The following MUC4 variants were observed in gnomAD, a reference collection of about 807,000 sequenced individuals.
MUC4 encodes the protein mucin-4.
In MUC4, 202 loss-of-function variants were observed where a neutral mutation model predicts 257.9. The observed-to-expected ratio is 0.78, with a 90% CI of 0.70 to 0.88. The LOEUF (loss-of-function observed/expected upper bound fraction) is 0.88, where lower values mean the gene tolerates loss of function less well. MUC4 is among the 40% of genes least tolerant of loss of function. The pLI is 0.00. For synonymous variants in MUC4, 2,351 were observed against 2,757.1 expected, an observed-to-expected ratio of 0.85 and a Z score of 4.62; for missense variants, 5,976 against 6,513.7, an observed-to-expected ratio of 0.92 and a Z score of 2.84.
chr3:195,754,522 G>T, intron 18 of MUC4, 150 bp from the exon 19 acceptor site: 3 of 1,098,252 alleles, frequency 2.7e-6, no homozygotes, highest in South Asian at 1.7e-5. Flanking sequence ...TTCTTGACCA[G>T]GCCGTGGGGC....
intron 23 of MUC4, 174 bp downstream of exon 23, chr3:195,750,715 T>C (rs2291656): frequency 0.59 from 383,516 of 646,394 alleles, 116,571 homozygotes; most frequent in East Asian, 0.83. Context: ...GCCTCAGCAG[T>C]GCTGGCTGCT....
rs933496712 is a variant in MUC4 at position 195,766,829 on chromosome 3, C to T, written c.13530-78G>A. The T allele has an allele frequency of 6.7e-5, 89 of 1,324,500 alleles. 1 individual carries two copies. The highest frequency in any genetic ancestry group is 2.5e-4 in the South Asian group (21 of 82,694). The allele number at this position is 1,324,500 out of a possible 1,614,324, so 82.0% of individuals were successfully genotyped here. A position where few individuals can be genotyped will look rare whatever the true frequency, so the allele number is the denominator to read the frequency against. Reference sequence around the variant, plus strand: ...GCGGTTGCAAGGCGTCCATTCATCCCGCTAGCCGGTCAGCAGCTGGTCAAC... The same window carrying T: ...GCGGTTGCAAGGCGTCCATTCATCCTGCTAGCCGGTCAGCAGCTGGTCAAC... On this transcript the variant is annotated intron_variant, in intron 7 of 24. Coordinates refer to ENST00000463781, the MANE Select transcript of MUC4 (RefSeq NM_018406.7).
intron 1 of MUC4, among the ~76,000 whole-genome samples, chr3:195,798,778 CT>C: frequency 6.6e-6 from 1 of 152,216 alleles, no homozygotes; most frequent in Non-Finnish European, 1.5e-5. Context: ...TGTATCCTGC[CT>C]TTTTAGCCAT....
rs780865770 is a variant in MUC4 at position 195,750,938 on chromosome 3, G to C, written c.15822C>G (p.Asp5274Glu). The change falls in exon 23 of 25, where the codon GAC (aspartate) becomes GAG (glutamate). Residue 5274 changes from aspartate to glutamate, a missense_variant. Physicochemically the swap from Asp to Glu is conservative, Grantham distance 45 (BLOSUM62 2). Around this residue, in one of 44 missense-constraint regions of MUC4, gnomAD observed 310 missense variants for 242.1 expected, o/e 1.28. Coordinates refer to ENST00000463781, the MANE Select transcript of MUC4 (RefSeq NM_018406.7). ...VPRRSEEPRN[D>E]VVFQPISGED... ...CCCCGGAGATGGGCTGGAAGACCAC[G>C]TCGTTCCTGGGCTCCTCACTCCTCC... 2.5e-6 allele frequency: 4 copies of C among 1,614,056 alleles called. No homozygotes were observed. In the South Asian group the frequency reaches 4.4e-5, roughly 18 times the overall value.
At chr3:195,767,816 A>ATTG (rs1721657553) in intron 7 of MUC4, among the ~76,000 whole-genome samples, 3 of 94,538 alleles carry the variant, frequency 3.2e-5, no homozygotes, top group African/African-American at 1.7e-4. Context: ...CACCACCATC[A>ATTG]CCACCACCAC....
In MUC4 at chr3:195,753,249, G is replaced by C; in HGVS notation, c.15329-19C>G. 6.2e-7 allele frequency: 1 copy of C among 1,612,314 alleles called. No individual in the cohort carries two copies. Among genetic ancestry groups the C allele is most frequent in the Non-Finnish European group, 8.5e-7 (1 of 1,178,914 alleles). On this transcript the variant is annotated intron_variant, in intron 19 of 24. Coordinates refer to ENST00000463781, the MANE Select transcript of MUC4 (RefSeq NM_018406.7). ...CCCAGAGCTGCAGAGTGAGTAGGGA[G>C]GTCAGCAGCAGCGCGCAGGGCAGCA...
At chr3:195,802,908 C>T (rs952108027) in intron 1 of MUC4, among the ~76,000 whole-genome samples, 1 of 152,122 alleles carries the variant, frequency 6.6e-6, no homozygotes, top group African/African-American at 2.4e-5. Context: ...CTGCAAAGGC[C>T]GTTTTCCTCA....
intron 19 of MUC4, 110 bp from the exon 20 acceptor site, chr3:195,753,340 CG>C: frequency 9.0e-7 from 1 of 1,105,510 alleles, no homozygotes; most frequent in Non-Finnish European, 1.3e-6. Flanking sequence ...TGTTCCACTT[CG>C]GGCCACTCGG....
chr3:195,777,997 C>A (rs886070138), intron 3 of MUC4, among the ~76,000 whole-genome samples: 1 of 152,100 alleles, frequency 6.6e-6, no homozygotes, highest in Non-Finnish European at 1.5e-5. Context: ...TCCTCCATCC[C>A]CGGCTCTGCA....
intron 3 of MUC4, among the ~76,000 whole-genome samples, chr3:195,776,471 A>ACCCATACATTCCG (rs1724764607): frequency 1.4e-3 from 5 of 3,474 alleles, no homozygotes; most frequent in African/African-American, 5.2e-3. Context: ...CATACCTTCC[A>ACCCATACATTCCG]CACCCATACC....
At chr3:195,793,294 C>T (rs566969223) in intron 1 of MUC4, among the ~76,000 whole-genome samples, 2 of 151,764 alleles carry the variant, frequency 1.3e-5, no homozygotes, top group South Asian at 4.2e-4. Context: ...GTCAGGAGTG[C>T]GAGACCAGCC....
chr3:195,798,597 G>A (rs1209900562), intron 1 of MUC4, among the ~76,000 whole-genome samples: 6 of 140,808 alleles, frequency 4.3e-5, no homozygotes, highest in South Asian at 2.4e-4. Flanking sequence ...CCAGCTACTC[G>A]GGAGGCTGAG....
rs1733769279 is a variant in MUC4, at chr3:195,790,849, T to C, written c.731A>G (p.Glu244Gly). 1.2e-6 allele frequency: 2 copies of C among 1,613,902 alleles called. No homozygotes were observed. The highest frequency in any genetic ancestry group is 1.7e-6 in the Non-Finnish European group (2 of 1,179,884). Residue 244 changes from glutamate (E) to glycine (G), a missense_variant, in exon 2 of 25, where the codon GAA becomes GGA. Coordinates refer to ENST00000463781, the MANE Select transcript of MUC4 (RefSeq NM_018406.7). ...ACTACAGAGGGATGAGGTAGCTGTT[T>C]CACCTGAAGGAGATGTCTTCTGAGA... is the stretch of plus-strand genomic sequence containing the variant. ...TVSQKTSPSGETATSSLCSVT... is the reference protein window; with the variant it reads ...TVSQKTSPSGGTATSSLCSVT...
chr3:195,751,142 TG>T (rs762761388), intron 22 of MUC4, 30 bp from the exon 23 acceptor site: 33 of 554,652 alleles, frequency 5.9e-5, no homozygotes, highest in Non-Finnish European at 8.1e-5. Context: ...TGAGGGGGGG[TG>T]GGGGGCTGGG....
At chr3:195,759,918 A>AACACACACACACGCACGCACGC (rs1553855204) in intron 16 of MUC4, among the ~76,000 whole-genome samples, 148 of 149,848 alleles carry the variant, frequency 9.9e-4, no homozygotes, top group African/African-American at 2.6e-3. Flanking sequence ...AAACTCCGTC[A>AACACACACACACGCACGCACGC]ACACACACAC....
At chr3:195,805,113 T>C (rs1260845993) in intron 1 of MUC4, among the ~76,000 whole-genome samples, 2 of 149,838 alleles carry the variant, frequency 1.3e-5, no homozygotes, top group Non-Finnish European at 3.0e-5. Context: ...CAGGCAGGAG[T>C]GCAGTGGTGC....
chr3:195,782,050 AC>A lies in MUC4; in HGVS notation c.9529del (p.Val3177TyrfsTer1082), dbSNP rs1728387512. On this transcript the variant is annotated frameshift_variant, in exon 2 of 25. Transcript: ENST00000463781. LOFTEE classifies it high-confidence loss of function. ...AAGAGGCGTGGTGTCACCTGTGGAT[AC>A]TGAGGAAAGGCTGGTGACAGGAAGA... is the stretch of plus-strand genomic sequence containing the variant. Reference protein sequence around the residue: ...TPLPVTSLSSVSTGDTTPLPV... With the variant: ...TPLPVTSLSSXSTGDTTPLPV... The A allele has an allele frequency of 7.8e-7, 1 of 1,285,542 alleles. No individual in the cohort carries two copies. Among genetic ancestry groups the A allele is most frequent in the Admixed American group, 2.7e-5 (1 of 36,420 alleles). 79.6% of individuals were successfully genotyped at this position (1,285,542 alleles called of 1,614,324 possible).
At chr3:195,772,905 C>T (rs1289239695) in intron 4 of MUC4, among the ~76,000 whole-genome samples, 3 of 138,250 alleles carry the variant, frequency 2.2e-5, no homozygotes, top group Non-Finnish European at 4.6e-5. Flanking sequence ...CCCTTCATCG[C>T]TCAGGGGTGT....
chr3:195,767,886 T>A (rs62282460), intron 7 of MUC4, among the ~76,000 whole-genome samples: 25 of 69,894 alleles, frequency 3.6e-4, no homozygotes, highest in African/African-American at 1.3e-3. Flanking sequence ...ATCACCACCA[T>A]CACCACCACC....
Sources: allele counts gnomAD v4.1 joint callset (sites outside exome capture counted in the v4.1 genomes callset), GRCh38; gene constraint gnomAD v4.1.1; regional missense constraint gnomAD v4.1.1; transcripts MANE v1.5; gene names NCBI Gene and HGNC (gene_info 2026-07-23, HGNC 2026-07-21).